Variants in STON2 observed in about 807,000 individuals in gnomAD.
The protein encoded by STON2 is stonin-2.
Under a neutral mutation model 65.7 loss-of-function variants are expected in STON2, and 29 were observed. The ratio of observed to expected loss-of-function variants is 0.44; its 90% CI spans 0.33 to 0.60. The LOEUF (loss-of-function observed/expected upper bound fraction) is 0.60, where lower values mean the gene tolerates loss of function less well. Among genes scored for constraint, STON2 ranks in the 20% least tolerant of loss-of-function variants. STON2 has a pLI of 0.03. For missense variants in STON2, 1,054 were observed against 1,118.1 expected (o/e 0.94, Z 0.82); for synonymous variants, 404 against 414.2 (o/e 0.98, Z 0.30).
At position 81,263,784 on chromosome 14, in the gene STON2, G is replaced by C; in HGVS notation, c.*4630C>G. On this transcript the variant is annotated 3_prime_UTR_variant, in exon 8 of 8. Transcript: ENST00000614646. ...GAACTGGGAGCATTTCTATAAGCAG[G>C]CTGGATGGTAGTGCTTCCTACTTAA... 1 of 985,324 alleles carries C rather than the reference G, an allele frequency of 1.0e-6. No homozygotes were observed. 61.0% of individuals were successfully genotyped at this position (985,324 alleles called of 1,614,324 possible).
At chr14:81,399,642 T>C (rs1002684942) in intron 1 of STON2, among the ~76,000 whole-genome samples, 1 of 152,234 alleles carries the variant, frequency 6.6e-6, no homozygotes, top group African/African-American at 2.4e-5. Flanking sequence ...AATGTTTATA[T>C]AGAATTTATA....
chr14:81,388,459 A>ATT (rs1899927676), intron 3 of STON2, among the ~76,000 whole-genome samples: 1 of 152,192 alleles, frequency 6.6e-6, no homozygotes, highest in Admixed American at 6.6e-5. Context: ...GCACAATAAA[A>ATT]TAAGTAGCAG....
At chr14:81,272,665 A>C (rs184753529) in intron 6 of STON2, among the ~76,000 whole-genome samples, 5 of 152,252 alleles carry the variant, frequency 3.3e-5, no homozygotes, top group African/African-American at 4.8e-5. Flanking sequence ...TGATTTTCAG[A>C]AAAGAATTTA....
intron 5 of STON2, among the ~76,000 whole-genome samples, chr14:81,315,156 AAG>A (rs1160338556): frequency 8.5e-5 from 13 of 152,236 alleles, no homozygotes; most frequent in Non-Finnish European, 1.9e-4. Flanking sequence ...GAACACAGGC[AAG>A]AGTTTTTACT....
At chr14:81,371,357 A>G (rs1339026525) in intron 3 of STON2, among the ~76,000 whole-genome samples, 172 bp from the exon 4 acceptor site, 1 of 152,138 alleles carries the variant, frequency 6.6e-6, no homozygotes, top group Non-Finnish European at 1.5e-5. Flanking sequence ...GGAAAAACTG[A>G]CTGACTGAGA....
rs1034780027 is a variant in STON2 at position 81,264,217 on chromosome 14, T to A, written c.*4197A>T. On this transcript the variant is annotated 3_prime_UTR_variant, in exon 8 of 8. Coordinates refer to ENST00000614646, the MANE Select transcript of STON2 (RefSeq NM_001394390.1). The stretch of plus-strand genomic sequence containing the variant: ...TCAATGTGAATGAGGTACATTGTAG[T>A]TCAAATTCAGCAGCATATTAAGTGC... 1.9e-5 allele frequency: 19 copies of A among 985,320 alleles called. No homozygotes were observed. In the African/African-American group the frequency reaches 3.3e-4, roughly 17 times the overall value. 61.0% of individuals were successfully genotyped at this position (985,320 alleles called of 1,614,324 possible).
chr14:81,388,190 C>T (rs999802466), intron 3 of STON2, among the ~76,000 whole-genome samples: 5 of 151,724 alleles, frequency 3.3e-5, no homozygotes, highest in East Asian at 2.0e-4. Flanking sequence ...CCTTGTGATC[C>T]GCCTGCCTTG....
intron 5 of STON2, among the ~76,000 whole-genome samples, chr14:81,295,539 G>A (rs1895730538): frequency 6.6e-6 from 1 of 152,110 alleles, no homozygotes; most frequent in African/African-American, 2.4e-5. Context: ...ATTAAATCAA[G>A]TAACCACAGA....
intron 3 of STON2, among the ~76,000 whole-genome samples, chr14:81,388,563 C>T (rs554449225): frequency 2.0e-5 from 3 of 152,144 alleles, no homozygotes; most frequent in Non-Finnish European, 4.4e-5. Flanking sequence ...AAATAAGAGA[C>T]GTACCATTAA....
chr14:81,306,713 A>C (rs1896198491), intron 5 of STON2: 1 of 152,182 alleles, frequency 6.6e-6, no homozygotes, highest in African/African-American at 2.4e-5. Context: ...CCTTGACACC[A>C]CATTAGGAAA....
chr14:81,382,233 G>GAAAAT (rs1003835420), intron 3 of STON2, among the ~76,000 whole-genome samples: 10 of 151,598 alleles, frequency 6.6e-5, no homozygotes, highest in Non-Finnish European at 1.2e-4. Context: ...AAAAAGAAAA[G>GAAAAT]AAAAGAAAAG....
At chr14:81,411,642 G>A (rs1901166688) in intron 2 of STON2, among the ~76,000 whole-genome samples, 1 of 152,246 alleles carries the variant, frequency 6.6e-6, no homozygotes, top group Admixed American at 6.5e-5. Flanking sequence ...GGGAGGCAGA[G>A]GTTGCAGTGA....
At chr14:81,413,192 TA>T (rs1173877672) in intron 2 of STON2, 2 of 1,541,352 alleles carry the variant, frequency 1.3e-6, no homozygotes, top group Non-Finnish European at 1.7e-6. Flanking sequence ...ACACTTCATC[TA>T]CTTCTACCTG....
In STON2 at chr14:81,265,884, T is replaced by C. The variant is rs1397777304; in HGVS notation, c.*2530A>G. ...AGATGAGGCAGAGATCTTGACAGAG[T>C]GCTAAGCGTGAGTGACTAAGGAAGG... On this transcript the variant is annotated 3_prime_UTR_variant, in exon 8 of 8. Coordinates refer to ENST00000614646, the MANE Select transcript of STON2 (RefSeq NM_001394390.1). 15 of 985,004 alleles carry C rather than the reference T, an allele frequency of 1.5e-5. No individual in the cohort carries two copies. The highest frequency in any genetic ancestry group is 1.8e-5 in the Non-Finnish European group (15 of 829,870). 61.0% of individuals were successfully genotyped at this position (985,004 alleles called of 1,614,324 possible). A position where few individuals can be genotyped will look rare whatever the true frequency, so the allele number is the denominator to read the frequency against.
intron 4 of STON2, among the ~76,000 whole-genome samples, chr14:81,353,494 C>T (rs1487793746): frequency 1.3e-5 from 2 of 152,130 alleles, no homozygotes; most frequent in Non-Finnish European, 2.9e-5. Context: ...GAAAAAATCT[C>T]AGTCACCTAC....
At chr14:81,374,288 G>A (rs868531502) in intron 3 of STON2, among the ~76,000 whole-genome samples, 1 of 151,840 alleles carries the variant, frequency 6.6e-6, no homozygotes, top group Non-Finnish European at 1.5e-5. Flanking sequence ...CAAAGTGTTA[G>A]GATTACAGGC....
intron 5 of STON2, among the ~76,000 whole-genome samples, chr14:81,308,808 ATATATATATATATATATG>A (rs1303061754): frequency 0.05 from 574 of 11,574 alleles, 29 homozygotes; most frequent in African/African-American, 0.16. Flanking sequence ...ATATATATAT[ATATATATATATATATATG>A]TGTGTGTGTG....
chr14:81,389,493 C>CTAA (rs1486881313), intron 3 of STON2, among the ~76,000 whole-genome samples: 2 of 152,184 alleles, frequency 1.3e-5, no homozygotes, highest in African/African-American at 2.4e-5. Context: ...AATTAATGAA[C>CTAA]TAAGAAAAGC....
chr14:81,306,220 CTTTTTTTTTTTTT>C (rs59730707), intron 5 of STON2, among the ~76,000 whole-genome samples: 11,537 of 69,842 alleles, frequency 0.17, 711 homozygotes, highest in South Asian at 0.2. Flanking sequence ...CATACATACT[CTTTTTTTTTTTTT>C]TTTTTTTTTT....
Sources: allele counts gnomAD v4.1 joint callset (sites outside exome capture counted in the v4.1 genomes callset), GRCh38; gene constraint gnomAD v4.1.1; transcripts MANE v1.5; gene names NCBI Gene and HGNC (gene_info 2026-07-23, HGNC 2026-07-21).